Variants in ATXN7L1 observed in about 807,000 individuals in gnomAD.
ATXN7L1 encodes ataxin-7-like protein 1.
A neutral mutation model predicts 70.8 loss-of-function variants in ATXN7L1; 15 were observed. The observed-to-expected ratio is 0.21, with a 90% confidence interval of 0.14 to 0.33. ATXN7L1 has a LOEUF of 0.33. Ranked by LOEUF, ATXN7L1 falls within the 10% of genes least tolerant of loss-of-function variation. The pLI is 1.00. For missense variants in ATXN7L1, 975 were observed against 1,097.1 expected, an observed-to-expected ratio of 0.89 and a Z score of 1.57; for synonymous variants, 440 against 445.1, an observed-to-expected ratio of 0.99 and a Z score of 0.14.
intron 3 of ATXN7L1, among the ~76,000 whole-genome samples, chr7:105,770,862 G>A (rs1194773035): frequency 1.3e-5 from 2 of 152,040 alleles, no homozygotes; most frequent in Non-Finnish European, 2.9e-5. Context: ...TCTCAAAGTG[G>A]GTTCTGTGGA....
intron 7 of ATXN7L1, among the ~76,000 whole-genome samples, chr7:105,630,893 GAAAAAC>G (rs200442186): frequency 6.6e-6 from 1 of 151,996 alleles, no homozygotes; most frequent in African/African-American, 2.4e-5. Context: ...AGTTCATTAA[GAAAAAC>G]AAAAACAAAA....
chr7:105,846,325 G>T (rs548714453), intron 2 of ATXN7L1, among the ~76,000 whole-genome samples: 42 of 152,000 alleles, frequency 2.8e-4, no homozygotes, highest in Non-Finnish European at 5.3e-4. Flanking sequence ...AATAAAATTT[G>T]TAAAAATGGC....
At chr7:105,651,539 A>C (rs529669318) in intron 4 of ATXN7L1, among the ~76,000 whole-genome samples, 170 of 152,302 alleles carry the variant, frequency 1.1e-3, no homozygotes, top group Non-Finnish European at 3.4e-4. Flanking sequence ...GCACCAGCAG[A>C]GGGTGGGAGC....
At chr7:105,860,203 C>A (rs1816409034) in intron 2 of ATXN7L1, among the ~76,000 whole-genome samples, 1 of 137,152 alleles carries the variant, frequency 7.3e-6, no homozygotes, top group African/African-American at 2.8e-5. Context: ...ATGTTTAATT[C>A]TATAGGTGAT....
chr7:105,690,863 C>T (rs1790703434), intron 3 of ATXN7L1, among the ~76,000 whole-genome samples: 1 of 152,266 alleles, frequency 6.6e-6, no homozygotes, highest in East Asian at 1.9e-4. Context: ...GTGCTAATTC[C>T]GGCTTAGTGT....
At chr7:105,860,416 G>A (rs1816452534) in intron 2 of ATXN7L1, among the ~76,000 whole-genome samples, 2 of 152,060 alleles carry the variant, frequency 1.3e-5, no homozygotes, top group Non-Finnish European at 2.9e-5. Context: ...GGATGCTGGA[G>A]CTAATGTCCT....
At chr7:105,791,399 T>G (rs1805213732) in intron 2 of ATXN7L1, among the ~76,000 whole-genome samples, 1 of 152,252 alleles carries the variant, frequency 6.6e-6, no homozygotes, top group South Asian at 2.1e-4. Context: ...GCGGGAGGCC[T>G]GTGGGAAGAG....
At chr7:105,757,578 A>ATTTTT (rs34846815) in intron 3 of ATXN7L1, among the ~76,000 whole-genome samples, 1 of 62,464 alleles carries the variant, frequency 1.6e-5, no homozygotes, top group African/African-American at 6.0e-5. Context: ...ACCTTTCTGT[A>ATTTTT]TTTTTTTTTT....
Position 105,649,620 on chromosome 7 carries a change from C to T in ATXN7L1, c.579-6499G>A, listed in dbSNP as rs945358246. ...GCCATTGCAAGAGCCACCAATGTGC[C>T]GCAGGGCCAGCTGCCCACCTGCCAG... is the stretch of plus-strand genomic sequence containing the variant. On this transcript the variant is annotated intron_variant, in intron 4 of 11. Coordinates refer to ENST00000419735, the MANE Select transcript of ATXN7L1 (RefSeq NM_020725.2). The T allele has an allele frequency of 1.0e-5, 10 of 982,086 alleles. No homozygotes were observed. The South Asian group carries it at 1.9e-4, about 18-fold the overall frequency. The allele number at this position is 982,086 out of a possible 1,614,324, so 60.8% of individuals were successfully genotyped here.
At chr7:105,619,526 ATATATTTTTTTTTTTTTTTT>A (rs1490286942) in intron 9 of ATXN7L1, among the ~76,000 whole-genome samples, 66 of 16,326 alleles carry the variant, frequency 4.0e-3, no homozygotes, top group African/African-American at 6.5e-3. Flanking sequence ...ATATATATAT[ATATATTTTTTTTTTTTTTTT>A]TTTTTTTTTT....
At chr7:105,618,921 G>A (rs1794330044) in intron 9 of ATXN7L1, among the ~76,000 whole-genome samples, 1 of 152,138 alleles carries the variant, frequency 6.6e-6, no homozygotes, top group African/African-American at 2.4e-5. Context: ...GATAGTAAAG[G>A]AACTTAAGAG....
intron 3 of ATXN7L1, among the ~76,000 whole-genome samples, chr7:105,734,650 T>C (rs2116343101): frequency 6.6e-6 from 1 of 152,206 alleles, no homozygotes; most frequent in Middle Eastern, 3.4e-3. Flanking sequence ...TTTTTTTTTT[T>C]TAACCTGGCT....
intron 3 of ATXN7L1, among the ~76,000 whole-genome samples, chr7:105,724,348 C>T (rs1045389153): frequency 2.0e-5 from 3 of 151,992 alleles, no homozygotes; most frequent in Non-Finnish European, 4.4e-5. Flanking sequence ...CCAAGGCAGG[C>T]GGATCACTTG....
intron 4 of ATXN7L1, among the ~76,000 whole-genome samples, chr7:105,664,575 G>GTGTATGTGTGTATATATA: frequency 1.5e-5 from 2 of 131,980 alleles, no homozygotes; most frequent in African/African-American, 5.7e-5. Flanking sequence ...GTATGTGTGT[G>GTGTATGTGTGTATATATA]TATATATATA....
At chr7:105,656,652 C>A (rs1800695346) in intron 4 of ATXN7L1, among the ~76,000 whole-genome samples, 1 of 149,238 alleles carries the variant, frequency 6.7e-6, no homozygotes, top group African/African-American at 2.5e-5. Flanking sequence ...CTCACTGCAA[C>A]CTCTGCCTCC....
intron 3 of ATXN7L1, among the ~76,000 whole-genome samples, chr7:105,779,061 A>T (rs545147584): frequency 6.6e-6 from 1 of 152,228 alleles, no homozygotes; most frequent in Non-Finnish European, 1.5e-5. Flanking sequence ...TTTCTGCATC[A>T]AAGTTTAGTT....
intron 11 of ATXN7L1, among the ~76,000 whole-genome samples, chr7:105,609,496 C>G (rs1021835903): frequency 6.6e-6 from 1 of 151,270 alleles, no homozygotes; most frequent in Admixed American, 6.6e-5. Context: ...GATAGGATCT[C>G]GCTCTGTTGC....
intron 3 of ATXN7L1, among the ~76,000 whole-genome samples, chr7:105,751,094 T>G (rs1342595826): frequency 3.3e-5 from 5 of 152,234 alleles, no homozygotes; most frequent in Non-Finnish European, 5.9e-5. Flanking sequence ...TCTATTTCCC[T>G]TCTCTGTGTT....
intron 3 of ATXN7L1, chr7:105,760,212 T>C: frequency 2.0e-6 from 2 of 984,926 alleles, no homozygotes; most frequent in Middle Eastern, 5.2e-4. Flanking sequence ...AGATGTTTAA[T>C]GACCCAGTGT....
Sources: gnomAD v4.1 joint callset for allele counts (sites outside exome capture counted in the v4.1 genomes callset) on GRCh38, gnomAD v4.1.1 for gene constraint, MANE v1.5 for transcripts, NCBI Gene and HGNC (gene_info 2026-07-23, HGNC 2026-07-21) for gene names.